Variants in PRH1 observed in about 807,000 individuals in gnomAD.
PRH1 encodes the protein proline rich protein HaeIII subfamily 1.
Under a neutral mutation model 7.9 loss-of-function variants are expected in PRH1, and 7 were observed. That is an observed-to-expected ratio of 0.89 (90% CI 0.50 to 1.67). The LOEUF (loss-of-function observed/expected upper bound fraction) is 1.67. Among genes scored for constraint, PRH1 ranks in the 40% most tolerant of loss-of-function variants. The pLI, the probability that PRH1 is intolerant of heterozygous loss-of-function variation, is 0.00. For synonymous variants in PRH1, 45 were observed against 80.8 expected (o/e 0.56, Z 2.38); for missense variants, 109 against 223.6 (o/e 0.49, Z 3.27).
intron 2 of PRH1, chr12:10,938,534 T>C: frequency 6.2e-7 from 1 of 1,614,048 alleles, no homozygotes; most frequent in South Asian, 1.1e-5. Context: ...TCTGTGGGCT[T>C]TGGTGCTGGC....
intron 1 of PRH1, among the ~76,000 whole-genome samples, chr12:11,004,486 C>T (rs1024650077): frequency 3.3e-5 from 5 of 152,022 alleles, no homozygotes; most frequent in Admixed American, 1.3e-4. Context: ...ACCTAGACCA[C>T]GAAGTGAGAC....
At chr12:11,029,610 C>T (rs1271096255) in intron 1 of PRH1, among the ~76,000 whole-genome samples, 2 of 48,678 alleles carry the variant, frequency 4.1e-5, no homozygotes, top group Admixed American at 2.6e-4. Context: ...AATTCAAAAG[C>T]GGAAGAAATG....
chr12:11,152,080 CT>C (rs1402656940), intron 1 of PRH1, among the ~76,000 whole-genome samples: 15 of 150,950 alleles, frequency 9.9e-5, no homozygotes, highest in African/African-American at 3.4e-4. Flanking sequence ...TTTCTTTCTT[CT>C]TTTTTTAATT....
chr12:11,022,646 T>C, intron 1 of PRH1: 1 of 1,081,784 alleles, frequency 9.2e-7, no homozygotes, highest in Non-Finnish European at 1.3e-6. Flanking sequence ...TTAACTTCGA[T>C]GAACACTTGA....
chr12:10,929,711 T>C (rs3930724), intron 2 of PRH1, among the ~76,000 whole-genome samples: 3,005 of 152,204 alleles, frequency 0.02, 36 homozygotes, highest in South Asian at 0.032. Flanking sequence ...AGTGGATGAG[T>C]ATCCATGAAG....
upstream of PRH1, among the ~76,000 whole-genome samples, chr12:11,052,064 A>G (rs947331871): frequency 5.3e-5 from 8 of 152,286 alleles, no homozygotes; most frequent in Non-Finnish European, 1.0e-4. Context: ...CCCAAAACAC[A>G]GTTTGACTAA....
intron 1 of PRH1, chr12:11,021,839 T>G (rs1468493458): frequency 1.2e-6 from 2 of 1,614,150 alleles, no homozygotes; most frequent in African/African-American, 1.3e-5. Context: ...GATGTGATTA[T>G]ACACAGAAAG....
At chr12:10,972,962 A>G (rs1938906355) in intron 2 of PRH1, among the ~76,000 whole-genome samples, 1 of 97,298 alleles carries the variant, frequency 1.0e-5, no homozygotes, top group Admixed American at 1.6e-4. Context: ...CACACACCAC[A>G]TGGATGGGAG....
At chr12:11,133,227 T>C (rs890361500) in intron 1 of PRH1, 1 of 1,536,552 alleles carries the variant, frequency 6.5e-7, no homozygotes, top group Non-Finnish European at 8.7e-7. Context: ...TATACATATA[T>C]TACAGAAAAC....
chr12:10,923,427 C>A (rs922444204), intron 2 of PRH1, among the ~76,000 whole-genome samples: 1 of 152,232 alleles, frequency 6.6e-6, no homozygotes, highest in South Asian at 2.1e-4. Flanking sequence ...ACATGCCCAG[C>A]CTTCGATGAA....
chr12:10,931,250 A>G, intron 2 of PRH1: 2 of 1,405,250 alleles, frequency 1.4e-6, no homozygotes, highest in South Asian at 1.5e-5. Flanking sequence ...TTGTTTTTAA[A>G]CAATCTCTTG....
At chr12:11,065,281 T>C (rs1943760267) in intron 1 of PRH1, among the ~76,000 whole-genome samples, 1 of 152,142 alleles carries the variant, frequency 6.6e-6, no homozygotes, top group Non-Finnish European at 1.5e-5. Context: ...TGATGTCCTG[T>C]CATTTTATAT....
intron 2 of PRH1, among the ~76,000 whole-genome samples, chr12:10,918,478 C>T (rs1057001791): frequency 2.0e-5 from 3 of 152,036 alleles, no homozygotes; most frequent in Non-Finnish European, 2.9e-5. Context: ...ATAAAATGGA[C>T]TAAGACAAAA....
At chr12:11,058,935 A>G (rs1943476420) in intron 1 of PRH1, among the ~76,000 whole-genome samples, 1 of 152,080 alleles carries the variant, frequency 6.6e-6, no homozygotes, top group East Asian at 1.9e-4. Context: ...TCCCTTCACT[A>G]TCTCCTATTC....
intron 1 of PRH1, among the ~76,000 whole-genome samples, chr12:10,985,664 T>C (rs1157701284): frequency 1.3e-5 from 2 of 152,162 alleles, no homozygotes; most frequent in African/African-American, 4.8e-5. Flanking sequence ...TCTGAAAAAC[T>C]TCTTACCATA....
chr12:11,096,737 C>T (rs1945076970), intron 1 of PRH1, among the ~76,000 whole-genome samples: 1 of 114,830 alleles, frequency 8.7e-6, no homozygotes, highest in Non-Finnish European at 2.0e-5. Context: ...TATAGAATCT[C>T]AACCACAGCT....
At chr12:10,904,422 T>C (rs1949773316) in intron 2 of PRH1, among the ~76,000 whole-genome samples, 1 of 152,012 alleles carries the variant, frequency 6.6e-6, no homozygotes, top group Non-Finnish European at 1.5e-5. Context: ...AAATAAACAA[T>C]GGGGAAAGGA....
At chr12:10,961,402 AG>A (rs1423699847) in intron 2 of PRH1, among the ~76,000 whole-genome samples, 1 of 151,060 alleles carries the variant, frequency 6.6e-6, no homozygotes, top group Non-Finnish European at 1.5e-5. Context: ...AGCATGCAAC[AG>A]GAAGACTAAT....
chr12:11,084,233 AAAG>A (rs1312774647), intron 1 of PRH1, among the ~76,000 whole-genome samples: 2 of 54,754 alleles, frequency 3.7e-5, no homozygotes, highest in African/African-American at 1.1e-4. Flanking sequence ...CCCTTCTGCC[AAAG>A]TAAAGATGCC....
Sources: gnomAD v4.1 joint callset for allele counts (sites outside exome capture counted in the v4.1 genomes callset) on GRCh38, gnomAD v4.1.1 for gene constraint, MANE v1.5 for transcripts, NCBI Gene and HGNC (gene_info 2026-07-23, HGNC 2026-07-21) for gene names.